The following ACSBG2 variants were observed in gnomAD, a reference collection of about 807,000 sequenced individuals.
ACSBG2 encodes the protein long-chain-fatty-acid--CoA ligase ACSBG2.
A neutral mutation model predicts 74.7 loss-of-function variants in ACSBG2; 62 were observed. That is an observed-to-expected ratio of 0.83 (90% CI 0.68 to 1.03). The LOEUF (loss-of-function observed/expected upper bound fraction) is 1.03, where lower values mean the gene tolerates loss of function less well. Among genes scored for constraint, ACSBG2 ranks in the 50% least tolerant of loss-of-function variants. The pLI is 0.00. For synonymous variants in ACSBG2, 309 were observed against 294.1 expected (o/e 1.05, Z -0.52); for missense variants, 730 against 817.6 (o/e 0.89, Z 1.31).
At chr19:6,168,696 T>A (rs2089882209) in intron 7 of ACSBG2, among the ~76,000 whole-genome samples, 1 of 152,214 alleles carries the variant, frequency 6.6e-6, no homozygotes, top group Non-Finnish European at 1.5e-5. Context: ...TGAGCATAGA[T>A]CCTGGAGCAA....
intron 6 of ACSBG2, among the ~76,000 whole-genome samples, chr19:6,163,783 C>CAAAAAAAAAAAAAAAAAAAAAAAAAA (rs1278911071): frequency 1.2e-5 from 1 of 81,082 alleles, no homozygotes; most frequent in Non-Finnish European, 2.5e-5. Flanking sequence ...AAATAAAATA[C>CAAAAAAAAAAAAAAAAAAAAAAAAAA]AAAAAAAAAA....
In ACSBG2 at chr19:6,192,740, G is replaced by A. The variant is rs2090597897; in HGVS notation, c.*108G>A. 3 of 152,190 alleles carry A rather than the reference G, an allele frequency of 2.0e-5. No homozygotes were observed. The highest frequency in any genetic ancestry group is 2.0e-4 in the Admixed American group (3 of 15,268). The allele number at this position is 152,190 out of a possible 1,614,324, so 9.4% of individuals were successfully genotyped here. A position where few individuals can be genotyped will look rare whatever the true frequency, so the allele number is the denominator to read the frequency against. ...TAGAAGCTCTCCCTGCTGTTTTTAA[G>A]AAGCCACATTCCTCATTGGTCAGTT... On this transcript the variant is annotated 3_prime_UTR_variant, in exon 15 of 15. Coordinates refer to ENST00000588485, the MANE Select transcript of ACSBG2 (RefSeq NM_030924.5).
In ACSBG2 at chr19:6,187,720, C is replaced by G. The variant is rs35609668; in HGVS notation, c.1802C>G (p.Pro601Arg). 5,391 of 1,614,086 alleles carry G rather than the reference C, an allele frequency of 3.3e-3. 141 individuals carry two copies. The African/African-American group carries it at 0.062, about 18-fold the overall frequency. The change falls in exon 13 of 15, where the codon CCC (proline) becomes CGC (arginine). Residue 601 changes from proline to arginine, a missense_variant. Pro to Arg is a moderately radical substitution (Grantham distance 103, BLOSUM62 -2). Coordinates refer to ENST00000588485, the MANE Select transcript of ACSBG2 (RefSeq NM_030924.5). ...TVTEIVKQQD[P>R]LVYKAIQQGI... is the part of the protein sequence containing the mutation. ...ACTGAGATTGTGAAGCAGCAAGACC[C>G]CCTGGTCTACAAGGCCATCCAGCAA...
intron 1 of ACSBG2, among the ~76,000 whole-genome samples, chr19:6,136,177 C>T (rs996241137): frequency 1.3e-5 from 2 of 150,642 alleles, no homozygotes; most frequent in Non-Finnish European, 2.9e-5. Context: ...CTGCAAGCTT[C>T]GCCTCCCAGG....
chr19:6,159,243 C>T (rs2089528120), intron 5 of ACSBG2, among the ~76,000 whole-genome samples: 1 of 152,234 alleles, frequency 6.6e-6, no homozygotes, highest in South Asian at 2.1e-4. Context: ...CAGGCATGAA[C>T]CACTGCTCAC....
In ACSBG2 at chr19:6,149,778, G is replaced by T. The variant is rs558941047; in HGVS notation, c.298-1929G>T. On this transcript the variant is annotated intron_variant, in intron 3 of 14. Transcript: ENST00000588485. The stretch of plus-strand genomic sequence containing the variant: ...GTGCCTTGGCCTCCCAAAGTGCTGG[G>T]ATTACAGGTGTGAGCCACCACACCT... Among the ~76,000 whole-genome samples the T allele has an allele frequency of 1.0e-3, 147 of 144,514 alleles. 1 individual carries two copies. Among genetic ancestry groups the T allele is most frequent in the Admixed American group, 1.7e-3 (26 of 14,946 alleles). The allele number at this position is 144,514 out of a possible 152,430, so 94.8% of individuals were successfully genotyped here. A position where few individuals can be genotyped will look rare whatever the true frequency, so the allele number is the denominator to read the frequency against.
intron 7 of ACSBG2, chr19:6,176,424 G>T: frequency 1.4e-6 from 2 of 1,459,168 alleles, no homozygotes; most frequent in Non-Finnish European, 9.3e-7. Flanking sequence ...CTTTGCCACT[G>T]CTCCTGCCAT....
Position 6,161,237 on chromosome 19 carries a change from C to G in ACSBG2, c.530C>G (p.Pro177Arg). 6.2e-7 allele frequency: 1 copy of G among 1,613,726 alleles called. No individual in the cohort carries two copies. The highest frequency in any genetic ancestry group is 8.5e-7 in the Non-Finnish European group (1 of 1,179,718). The change falls in exon 6 of 15, where the codon CCC becomes CGC. Residue 177 changes from proline (P) to arginine (R), a missense_variant. Transcript: ENST00000588485. Reference protein sequence around the residue: ...ILSIPQSSLEPLKAIIQYRLP... With the variant: ...ILSIPQSSLERLKAIIQYRLP... The stretch of plus-strand genomic sequence containing the variant: ...CAGATTCCACAGAGCAGCCTAGAGC[C>G]CCTAAAAGCGATCATCCAGTACAGA...
chr19:6,187,552 G>T, intron 12 of ACSBG2, 47 bp from the exon 13 acceptor site: 1 of 1,610,554 alleles, frequency 6.2e-7, no homozygotes, highest in Non-Finnish European at 8.5e-7. Context: ...CCTGGGGAGG[G>T]GTGCTGGTCA....
chr19:6,149,098 C>CA (rs1253613499), intron 3 of ACSBG2, among the ~76,000 whole-genome samples: 1 of 151,864 alleles, frequency 6.6e-6, no homozygotes, highest in Non-Finnish European at 1.5e-5. Flanking sequence ...AACTCCATCT[C>CA]AAAAAACAAA....
At chr19:6,156,662 A>C (rs1435739409) in intron 5 of ACSBG2, 111 bp downstream of exon 5, 1 of 1,230,524 alleles carries the variant, frequency 8.1e-7, no homozygotes, top group Non-Finnish European at 1.1e-6. Context: ...AGGGCCATGC[A>C]TCTGTTCAGC....
intron 13 of ACSBG2, 112 bp from the exon 14 acceptor site, chr19:6,190,472 A>C: frequency 1.2e-6 from 1 of 867,928 alleles, no homozygotes; most frequent in South Asian, 1.4e-5. Flanking sequence ...TCAATGGCAC[A>C]GCCAGCCACC....
chr19:6,184,713 T>A (rs991842864), intron 10 of ACSBG2, among the ~76,000 whole-genome samples: 18 of 151,292 alleles, frequency 1.2e-4, no homozygotes, highest in Admixed American at 3.3e-4. Flanking sequence ...TTGGTTGCCG[T>A]ACTTAAAATT....
At chr19:6,169,031 A>C (rs2089893417) in intron 7 of ACSBG2, among the ~76,000 whole-genome samples, 1 of 152,212 alleles carries the variant, frequency 6.6e-6, no homozygotes, top group East Asian at 1.9e-4. Flanking sequence ...CACCCACCTC[A>C]GCCTCCCAAA....
intron 5 of ACSBG2, among the ~76,000 whole-genome samples, chr19:6,158,513 T>C (rs1568230338): frequency 6.6e-6 from 1 of 151,766 alleles, no homozygotes; most frequent in Non-Finnish European, 1.5e-5. Flanking sequence ...CATGTTTGAA[T>C]GAGCTGCAGT....
chr19:6,150,964 A>G (rs2089217037), intron 3 of ACSBG2, among the ~76,000 whole-genome samples: 1 of 151,780 alleles, frequency 6.6e-6, no homozygotes, highest in Non-Finnish European at 1.5e-5. Context: ...AAAAACAAAA[A>G]TTAGCCAGGC....
chr19:6,182,745 A>G lies in ACSBG2; in HGVS notation c.907-6A>G. 1 of 1,613,650 alleles carries G rather than the reference A, an allele frequency of 6.2e-7. No homozygotes were observed. Among genetic ancestry groups the G allele is most frequent in the South Asian group, 1.1e-5 (1 of 91,008 alleles). ...GCTGTGGCTAACCTAGCTTCGTTCC[A>G]TACAGGGCACCTTGGTAAGTACTCT... On this transcript the variant is annotated splice_polypyrimidine_tract_variant and splice_region_variant and intron_variant, in intron 8 of 14. Transcript: ENST00000588485.
intron 7 of ACSBG2, among the ~76,000 whole-genome samples, chr19:6,172,032 T>C (rs2089979682): frequency 6.6e-6 from 1 of 152,164 alleles, no homozygotes. Flanking sequence ...AAATTTTCAA[T>C]TCCAGAAGTT....
intron 8 of ACSBG2, among the ~76,000 whole-genome samples, chr19:6,181,343 AG>A (rs2090248653): frequency 1.3e-5 from 2 of 149,916 alleles, no homozygotes; most frequent in Admixed American, 6.6e-5. Flanking sequence ...AGAGGAAGGA[AG>A]GAAGGAAGAA....
Sources: allele counts gnomAD v4.1 joint callset (sites outside exome capture counted in the v4.1 genomes callset), GRCh38; gene constraint gnomAD v4.1.1; transcripts MANE v1.5; gene names NCBI Gene and HGNC (gene_info 2026-07-23, HGNC 2026-07-21).